C1orf105: variants seen among roughly 807,000 people sequenced by gnomAD.
C1orf105 encodes the protein chromosome 1 open reading frame 105.
C1orf105 carries 17 observed loss-of-function variants against 20.8 expected under a neutral mutation model. The observed-to-expected ratio is 0.82, with a 90% CI of 0.56 to 1.23. The LOEUF is 1.23. Ranked by LOEUF, C1orf105 falls within the 50% of genes most tolerant of loss-of-function variation. The probability of loss-of-function intolerance (pLI) is 0.00; values close to 1 mark genes in which losing one functional copy is unlikely to be tolerated. For synonymous variants in C1orf105, 72 were observed against 72.1 expected, an observed-to-expected ratio of 1.00 and a Z score of 0.01; for missense variants, 219 against 213.5, an observed-to-expected ratio of 1.03 and a Z score of -0.16.
At chr1:172,462,058 A>T (rs540932480) in intron 4 of C1orf105, 120 bp from the exon 5 acceptor site, 2 of 734,050 alleles carry the variant, frequency 2.7e-6, no homozygotes, top group Non-Finnish European at 4.6e-6. Flanking sequence ...TTCACATCAC[A>T]AAAGGATGTA....
chr1:172,429,518 C>G (rs1558124369), intron 1 of C1orf105, among the ~76,000 whole-genome samples: 2 of 152,212 alleles, frequency 1.3e-5, no homozygotes, highest in Non-Finnish European at 2.9e-5. Flanking sequence ...AGCCCTGTTT[C>G]CCTAAATACA....
chr1:172,436,941 A>G (rs1012242146), intron 1 of C1orf105, among the ~76,000 whole-genome samples: 1 of 152,238 alleles, frequency 6.6e-6, no homozygotes, highest in Non-Finnish European at 1.5e-5. Flanking sequence ...ATGAACAGAC[A>G]CTTCTCAGAA....
rs540381694 is a variant in C1orf105 at position 172,420,804 on chromosome 1, G to A, written c.-82G>A. On this transcript the variant is annotated 5_prime_UTR_variant, in exon 1 of 7. Transcript: ENST00000367727. ...CTTTGGATTCAGGTTCTCCACAGCA[G>A]TCTTCCACTGGCCACAGTGAGGGGA... The A allele has an allele frequency of 4.1e-5, 58 of 1,424,684 alleles. No homozygotes were observed. The African/African-American group carries it at 6.4e-4, about 16-fold the overall frequency. The allele number at this position is 1,424,684 out of a possible 1,614,324, so 88.3% of individuals were successfully genotyped here.
At chr1:172,436,851 G>A (rs2072055410) in intron 1 of C1orf105, among the ~76,000 whole-genome samples, 1 of 152,258 alleles carries the variant, frequency 6.6e-6, no homozygotes, top group Admixed American at 6.5e-5. Context: ...ATCTGACAGA[G>A]GGCAAATATC....
chr1:172,420,996 G>A (rs2071571100), intron 1 of C1orf105, 90 bp downstream of exon 1: 3 of 1,206,930 alleles, frequency 2.5e-6, no homozygotes, highest in Middle Eastern at 1.9e-4. Context: ...CATAAACATT[G>A]AGGGGTGTTT....
chr1:172,461,540 G>A (rs1649694514), intron 4 of C1orf105, among the ~76,000 whole-genome samples: 1 of 152,146 alleles, frequency 6.6e-6, no homozygotes, highest in African/African-American at 2.4e-5. Flanking sequence ...ATTTGGAAAA[G>A]TTCAAGAAAG....
chr1:172,452,666 C>A, intron 3 of C1orf105: 1 of 521,774 alleles, frequency 1.9e-6, no homozygotes, highest in Non-Finnish European at 2.5e-6. Flanking sequence ...AGATATTGTC[C>A]TAGGGTATGA....
At chr1:172,467,460 TC>T (rs907451767) in intron 6 of C1orf105, among the ~76,000 whole-genome samples, 13 of 152,154 alleles carry the variant, frequency 8.5e-5, no homozygotes, top group African/African-American at 3.1e-4. Context: ...GATCCCAGAA[TC>T]CCATGACACC....
intron 4 of C1orf105, 59 bp from the exon 5 acceptor site, chr1:172,462,119 A>G: frequency 2.4e-6 from 3 of 1,241,186 alleles, no homozygotes; most frequent in Non-Finnish European, 2.3e-6. Context: ...GTGGTACATT[A>G]TTTATTTAAA....
chr1:172,447,924 G>A (rs1326790407), intron 2 of C1orf105, among the ~76,000 whole-genome samples: 1 of 152,160 alleles, frequency 6.6e-6, no homozygotes, highest in African/African-American at 2.4e-5. Flanking sequence ...AAAAGGAACT[G>A]GTGTTCTTGC....
At chr1:172,456,284 CA>C (rs1558141937) in intron 3 of C1orf105, 130 bp from the exon 4 acceptor site, 1 of 754,142 alleles carries the variant, frequency 1.3e-6, no homozygotes, top group East Asian at 2.5e-5. Context: ...GGGCTGAGAC[CA>C]GAGTGCCCAT....
intron 1 of C1orf105, among the ~76,000 whole-genome samples, chr1:172,427,360 C>T (rs2071750111): frequency 6.6e-6 from 1 of 152,132 alleles, no homozygotes; most frequent in African/African-American, 2.4e-5. Flanking sequence ...CCCAGCAATT[C>T]TTCCCTCTCT....
At chr1:172,461,621 T>A (rs1649698820) in intron 4 of C1orf105, among the ~76,000 whole-genome samples, 1 of 152,198 alleles carries the variant, frequency 6.6e-6, no homozygotes, top group Non-Finnish European at 1.5e-5. Context: ...ACCTTTAAAA[T>A]TTCCAGTGTG....
At chr1:172,433,081 GAAAC>G (rs1467099165) in intron 1 of C1orf105, among the ~76,000 whole-genome samples, 3 of 152,152 alleles carry the variant, frequency 2.0e-5, no homozygotes, top group African/African-American at 4.8e-5. Context: ...AGAGTAAAAA[GAAAC>G]AAACAAAGCC....
intron 2 of C1orf105, 92 bp from the exon 3 acceptor site, chr1:172,448,348 TG>T: frequency 1.2e-6 from 1 of 802,030 alleles, no homozygotes; most frequent in Non-Finnish European, 2.1e-6. Context: ...TAGCTCCCTG[TG>T]GTGTCCCTTG....
intron 6 of C1orf105, 79 bp from the exon 7 acceptor site, chr1:172,468,370 C>T (rs1224933439): frequency 1.8e-6 from 2 of 1,132,032 alleles, no homozygotes; most frequent in South Asian, 2.7e-5. Flanking sequence ...TCTTTGTTGG[C>T]CTGTGGTTAT....
chr1:172,422,129 G>C (rs527329058), intron 1 of C1orf105, among the ~76,000 whole-genome samples: 2 of 151,954 alleles, frequency 1.3e-5, no homozygotes, highest in African/African-American at 4.8e-5. Context: ...GGGAGCGCAC[G>C]ATCTAGTAAG....
intron 5 of C1orf105, among the ~76,000 whole-genome samples, chr1:172,464,634 G>A (rs1186895529): frequency 9.8e-6 from 1 of 102,414 alleles, no homozygotes; most frequent in African/African-American, 3.4e-5. Flanking sequence ...TATTGATCTG[G>A]AAGAGTTCTG....
At position 172,420,761 on chromosome 1, in the gene C1orf105, G is replaced by A. The variant is rs955904575; in HGVS notation, c.-125G>A. The A allele has an allele frequency of 4.5e-5, 40 of 881,054 alleles. No individual in the cohort carries two copies. Among genetic ancestry groups the A allele is most frequent in the Middle Eastern group, 5.1e-4 (2 of 3,916 alleles). The allele number at this position is 881,054 out of a possible 1,614,324, so 54.6% of individuals were successfully genotyped here. ...AACTGTAAACTGGCCTGTTTACTTC[G>A]TCTCCTAACAAAAAACACTTTGGAT... On this transcript the variant is annotated 5_prime_UTR_variant, in exon 1 of 7. Coordinates refer to ENST00000367727, the MANE Select transcript of C1orf105 (RefSeq NM_139240.4).
Sources: gnomAD v4.1 joint callset for allele counts (sites outside exome capture counted in the v4.1 genomes callset) on GRCh38, gnomAD v4.1.1 for gene constraint, MANE v1.5 for transcripts, NCBI Gene and HGNC (gene_info 2026-07-23, HGNC 2026-07-21) for gene names.